Variants in MUC5B observed in about 807,000 individuals in gnomAD.
The protein encoded by MUC5B is mucin 5B, oligomeric mucus/gel-forming, also known as mucin-5B.
Under a neutral mutation model 376.9 loss-of-function variants are expected in MUC5B, and 116 were observed. That is an observed-to-expected ratio of 0.31 (90% CI 0.26 to 0.36). The LOEUF (loss-of-function observed/expected upper bound fraction) is 0.36. Among genes scored for constraint, MUC5B ranks in the 10% least tolerant of loss-of-function variants. The pLI, the probability that MUC5B is intolerant of heterozygous loss-of-function variation, is 1.00. For missense variants in MUC5B, 7,165 were observed against 7,769.9 expected (o/e 0.92, Z 2.93); for synonymous variants, 3,517 against 3,390.9 (o/e 1.04, Z -1.29).
rs1862868404 is a variant in MUC5B at position 1,257,399 on chromosome 11, G to A, written c.16269+128G>A. 3 of 1,094,588 alleles carry A rather than the reference G, an allele frequency of 2.7e-6. No individual in the cohort carries two copies. The highest frequency in any genetic ancestry group is 2.7e-6 in the Non-Finnish European group (2 of 728,558). The allele number at this position is 1,094,588 out of a possible 1,614,324, so 67.8% of individuals were successfully genotyped here. ...GTGTGACGTGGACGTGCCAGTGGCT[G>A]GTGTGCGCTTCCTGCCCCATCACTC... On this transcript the variant is annotated intron_variant, in intron 40 of 48. Coordinates refer to ENST00000529681, the MANE Select transcript of MUC5B (RefSeq NM_002458.3). The surrounding 1 kb of genome is among the most constrained non-coding windows in gnomAD (Gnocchi z 8.9).
At position 1,258,921 on chromosome 11, in the gene MUC5B, C is replaced by T; in HGVS notation, c.16594-21C>T. On this transcript the variant is annotated intron_variant, in intron 43 of 48. Transcript: ENST00000529681. This position sits in a 1 kb window ranked among gnomAD's most constrained non-coding sequence, Gnocchi z 5.5. ...TGTTGCCCCACCAGTGCCCTCAGTGCCACCCTCCCACCCCTTGCAGGTTGG... is the reference window on the plus strand; with the variant it reads ...TGTTGCCCCACCAGTGCCCTCAGTGTCACCCTCCCACCCCTTGCAGGTTGG... 5 of 1,549,982 alleles carry T rather than the reference C, an allele frequency of 3.2e-6. No homozygotes were observed. The South Asian group carries it at 4.8e-5, about 15-fold the overall frequency.
chr11:1,253,045 G>C lies in MUC5B; in HGVS notation c.15217+65G>C. On this transcript the variant is annotated intron_variant, in intron 33 of 48. Transcript: ENST00000529681. This position sits in a 1 kb window ranked among gnomAD's most constrained non-coding sequence, Gnocchi z 4.3. Reference sequence around the variant, plus strand: ...GTGGAGCAGAGTGCACCGTCGGCTAGGCTGGCAGAATGGGGCATGGTGGGG... The same window carrying C: ...GTGGAGCAGAGTGCACCGTCGGCTACGCTGGCAGAATGGGGCATGGTGGGG... 6.3e-7 allele frequency: 1 copy of C among 1,592,982 alleles called. No homozygotes were observed. The highest frequency in any genetic ancestry group is 8.6e-7 in the Non-Finnish European group (1 of 1,168,024).
intron 39 of MUC5B, 104 bp downstream of exon 39, chr11:1,256,875 A>C: frequency 2.2e-6 from 2 of 916,180 alleles, no homozygotes; most frequent in South Asian, 1.8e-5. Context: ...CCCTCTCCCC[A>C]GCTGACCCCC....
intron 1 of MUC5B, among the ~76,000 whole-genome samples, chr11:1,223,735 G>A (rs1313066019): frequency 6.6e-6 from 1 of 152,234 alleles, no homozygotes; most frequent in Non-Finnish European, 1.5e-5. Context: ...CCCATCTGTG[G>A]GCATCTCATG....
rs780053717 is a variant in MUC5B, at chr11:1,248,275, T to C, written c.11395T>C (p.Ser3799Pro). 3.8e-6 allele frequency: 6 copies of C among 1,586,788 alleles called. No individual in the cohort carries two copies. The Admixed American group carries it at 1.0e-4, about 27-fold the overall frequency. The change falls in exon 31 of 49, where the codon TCC (serine) becomes CCC (proline). Residue 3799 changes from serine to proline, a missense_variant. By Grantham distance (74) the Ser-to-Pro change is moderately conservative (BLOSUM62 -1). Coordinates refer to ENST00000529681, the MANE Select transcript of MUC5B (RefSeq NM_002458.3). ...PTATSFTAIP[S>P]SSLGTTWTRL... ...AGCTACCAGCTTTACAGCCATCCCC[T>C]CCTCCTCCCTGGGCACCACCTGGAC...
Position 1,259,947 on chromosome 11 carries a change from C to T in MUC5B, c.16801-16C>T. The stretch of plus-strand genomic sequence containing the variant: ...GTAATCCCTACTCAGCTTCCACACT[C>T]ACCCTTGCATTTCAGCTGAATGAAA... On this transcript the variant is annotated splice_polypyrimidine_tract_variant and intron_variant, in intron 45 of 48. Coordinates refer to ENST00000529681, the MANE Select transcript of MUC5B (RefSeq NM_002458.3). 6.2e-7 allele frequency: 1 copy of T among 1,612,966 alleles called. No individual in the cohort carries two copies. Among genetic ancestry groups the T allele is most frequent in the Non-Finnish European group, 8.5e-7 (1 of 1,179,704 alleles).
rs188614357 is a variant in MUC5B at position 1,237,204 on chromosome 11, G to A, written c.3297+40G>A. ...TTGGCAGGCAGGGTCTGGTGGGGAT[G>A]GCAGTTGCTTCCTTCCCGCCGAGAA... On this transcript the variant is annotated intron_variant, in intron 25 of 48. Transcript: ENST00000529681. 8.7e-4 allele frequency: 1,196 copies of A among 1,367,424 alleles called. 1 individual carries two copies. Among genetic ancestry groups the A allele is most frequent in the Non-Finnish European group, 1.1e-3 (1,130 of 1,060,710 alleles). 84.7% of individuals were successfully genotyped at this position (1,367,424 alleles called of 1,614,324 possible).
At position 1,257,887 on chromosome 11, in the gene MUC5B, G is replaced by A. The variant is rs1051700722; in HGVS notation, c.16450+177G>A. Among the ~76,000 whole-genome samples the A allele has an allele frequency of 2.6e-5, 4 of 152,294 alleles. No homozygotes were observed. The highest frequency in any genetic ancestry group is 9.6e-5 in the African/African-American group (4 of 41,570). On this transcript the variant is annotated intron_variant, in intron 41 of 48. Transcript: ENST00000529681. The surrounding 1 kb of genome is among the most constrained non-coding windows in gnomAD (Gnocchi z 8.9). ...CCAGGTGCTTCATTCTCCTCCTAAC[G>A]ATGAGGCTGGTGACCTCTGGCCTGC...
chr11:1,261,381 G>A lies in MUC5B; in HGVS notation c.17070-8G>A, dbSNP rs767816031. On this transcript the variant is annotated splice_region_variant and splice_polypyrimidine_tract_variant and intron_variant, in intron 48 of 48. Coordinates refer to ENST00000529681, the MANE Select transcript of MUC5B (RefSeq NM_002458.3). ...GTGGCTGATGTGAGGGCCACCCTGC[G>A]TCCACAGGTACTCAGCAGAGGCCCA... 128 of 1,542,298 alleles carry A rather than the reference G, an allele frequency of 8.3e-5. No homozygotes were observed. Among genetic ancestry groups the A allele is most frequent in the Admixed American group, 1.6e-4 (8 of 50,968 alleles).
At position 1,258,318 on chromosome 11, in the gene MUC5B, C is replaced by T. The variant is rs781370645; in HGVS notation, c.16556-12C>T. 1 of 1,611,796 alleles carries T rather than the reference C, an allele frequency of 6.2e-7. No homozygotes were observed. Among genetic ancestry groups the T allele is most frequent in the Non-Finnish European group, 8.5e-7 (1 of 1,179,456 alleles). The stretch of plus-strand genomic sequence containing the variant: ...CACCACTTGTCGAGGGCTTAGCTCC[C>T]TTTCCTTCCAGGACCTCAGCTGTGT... On this transcript the variant is annotated splice_polypyrimidine_tract_variant and intron_variant, in intron 42 of 48. Coordinates refer to ENST00000529681, the MANE Select transcript of MUC5B (RefSeq NM_002458.3). The surrounding 1 kb of genome is among the most constrained non-coding windows in gnomAD (Gnocchi z 5.5).
At chr11:1,259,487 T>G in intron 44 of MUC5B, 1 of 557,612 alleles carries the variant, frequency 1.8e-6, no homozygotes, top group Non-Finnish European at 3.2e-6. Context: ...ACTGAGGGGG[T>G]CTGGGGGTGG....
chr11:1,258,020 G>A lies in MUC5B; in HGVS notation c.16451-79G>A, dbSNP rs1164265165. On this transcript the variant is annotated intron_variant, in intron 41 of 48. Transcript: ENST00000529681. This position sits in a 1 kb window ranked among gnomAD's most constrained non-coding sequence, Gnocchi z 5.5. ...CGGTCAGGTCCTCGGGGAAAAGCAC[G>A]CCTGCGACTTACTCTGGGAACAAGT... is the stretch of plus-strand genomic sequence containing the variant. 12 of 1,387,884 alleles carry A rather than the reference G, an allele frequency of 8.6e-6. No individual in the cohort carries two copies. The highest frequency in any genetic ancestry group is 5.1e-5 in the South Asian group (4 of 78,412). The allele number at this position is 1,387,884 out of a possible 1,614,324, so 86.0% of individuals were successfully genotyped here. A position where few individuals can be genotyped will look rare whatever the true frequency, so the allele number is the denominator to read the frequency against.
In MUC5B at chr11:1,244,270, A is replaced by C; in HGVS notation, c.7390A>C (p.Ile2464Leu). 1.9e-6 allele frequency: 3 copies of C among 1,609,092 alleles called. No individual in the cohort carries two copies. In the South Asian group the frequency reaches 3.3e-5, roughly 18 times the overall value. The change falls in exon 31 of 49, where the codon ATC (isoleucine) becomes CTC (leucine). Residue 2464 changes from isoleucine (I) to leucine (L), a missense_variant. Ile to Leu is a conservative substitution (Grantham distance 5). Around this residue, in one of 31 missense-constraint regions of MUC5B, gnomAD observed 194 missense variants for 268.5 expected, o/e 0.72. Transcript: ENST00000529681. ...GTCCTCCACCCCAGGGACCACCTGGATCCTCACAGAGCCGAGCACTACAGC... is the reference window on the plus strand; with the variant it reads ...GTCCTCCACCCCAGGGACCACCTGGCTCCTCACAGAGCCGAGCACTACAGC... ...TPSSTPGTTW[I>L]LTEPSTTATV...
At chr11:1,239,178 T>C in intron 26 of MUC5B, 151 bp downstream of exon 26, 2 of 1,059,304 alleles carry the variant, frequency 1.9e-6, no homozygotes. Flanking sequence ...CAAGTTTCTA[T>C]GCACAGAGGA....
At position 1,249,854 on chromosome 11, in the gene MUC5B, C is replaced by A; in HGVS notation, c.12974C>A (p.Pro4325His). Residue 4325 changes from proline (P) to histidine (H), a missense_variant, in exon 31 of 49, where the codon CCC becomes CAC. By Grantham distance (77) the Pro-to-His change is moderately conservative (BLOSUM62 -2). This residue lies in a region of MUC5B where 431 missense variants were observed against 390.4 expected (regional missense o/e 1.10). Coordinates refer to ENST00000529681, the MANE Select transcript of MUC5B (RefSeq NM_002458.3). The stretch of plus-strand genomic sequence containing the variant: ...AAATCCACAGCTACCAGCGTTACAC[C>A]CATCCCCTCCTCCACCCTTGGGACC... ...ATKSTATSVT[P>H]IPSSTLGTTG... is the part of the protein sequence containing the mutation. The A allele has an allele frequency of 1.2e-6, 2 of 1,613,734 alleles. No individual in the cohort carries two copies. The highest frequency in any genetic ancestry group is 1.7e-6 in the Non-Finnish European group (2 of 1,179,810).
At chr11:1,226,998 G>A (rs757847019) in intron 4 of MUC5B, 33 bp from the exon 5 acceptor site, 47 of 1,589,174 alleles carry the variant, frequency 3.0e-5, no homozygotes, top group Middle Eastern at 4.2e-4. Context: ...CCAGGAGAGC[G>A]GGGCCCAGGG....
intron 2 of MUC5B, 80 bp from the exon 3 acceptor site, chr11:1,226,125 G>A (rs1342825275): frequency 3.3e-5 from 46 of 1,397,346 alleles, no homozygotes; most frequent in Non-Finnish European, 4.2e-5. Context: ...GGTGGCTGGC[G>A]AGGAGGGTGG....
Position 1,249,624 on chromosome 11 carries a change from G to A in MUC5B, c.12744G>A (p.Trp4248Ter). 6.2e-7 allele frequency: 1 copy of A among 1,611,256 alleles called. No individual in the cohort carries two copies. Among genetic ancestry groups the A allele is most frequent in the Non-Finnish European group, 8.5e-7 (1 of 1,178,630 alleles). ...AMPSSTPGTT[W>*]ILTELTTTAT... is the part of the protein sequence containing the mutation. ...CCTCCTCCACTCCGGGGACGACCTG[G>A]ATCCTCACAGAGCTGACCACAACAG... The change falls in exon 31 of 49, where the codon TGG (tryptophan) becomes TGA (stop). Residue 4248 changes from tryptophan to a stop codon, truncating the protein, a stop_gained. Coordinates refer to ENST00000529681, the MANE Select transcript of MUC5B (RefSeq NM_002458.3). LOFTEE classifies it high-confidence loss of function.
chr11:1,247,299 G>C lies in MUC5B; in HGVS notation c.10419G>C (p.Ser3473=), dbSNP rs778436877. 2 of 1,611,468 alleles carry C rather than the reference G, an allele frequency of 1.2e-6. No individual in the cohort carries two copies. Among genetic ancestry groups the C allele is most frequent in the Non-Finnish European group, 1.7e-6 (2 of 1,179,502 alleles). ...SPHTVRTAWT[S]ATSGILGTTH... ...ACACGGTGCGCACAGCCTGGACTTC[G>C]GCCACCTCGGGCATCTTGGGCACCA... Residue 3473 remains serine (S), a synonymous_variant, in exon 31 of 49, where the codon TCG becomes TCC. Coordinates refer to ENST00000529681, the MANE Select transcript of MUC5B (RefSeq NM_002458.3).
Sources: allele counts gnomAD v4.1 joint callset (sites outside exome capture counted in the v4.1 genomes callset), GRCh38; gene constraint gnomAD v4.1.1; regional missense constraint gnomAD v4.1.1; non-coding constraint Gnocchi (gnomAD v3.1); transcripts MANE v1.5; gene names NCBI Gene and HGNC (gene_info 2026-07-23, HGNC 2026-07-21).